Variants in STK40 observed in about 807,000 individuals in gnomAD.
The protein encoded by STK40 is serine/threonine kinase 40, also known as serine/threonine-protein kinase 40.
STK40 carries 13 observed loss-of-function variants against 47.9 expected under a neutral mutation model. That is an observed-to-expected ratio of 0.27 (90% confidence interval 0.18 to 0.43). STK40 has a LOEUF of 0.43. Among genes scored for constraint, STK40 ranks in the 20% least tolerant of loss-of-function variants. The probability of loss-of-function intolerance (pLI) is 1.00; values close to 1 mark genes in which losing one functional copy is unlikely to be tolerated. For missense variants in STK40, 460 were observed against 595.1 expected (o/e 0.77, Z 2.36); for synonymous variants, 225 against 243.2 (o/e 0.93, Z 0.69).
At position 36,341,738 on chromosome 1, in the gene STK40, G is replaced by A. The variant is rs1646649306; in HGVS notation, c.*17C>T. On this transcript the variant is annotated 3_prime_UTR_variant, in exon 11 of 11. Coordinates refer to ENST00000373132, the MANE Select transcript of STK40 (RefSeq NM_001282547.2). ...TGGAAGAAGTGGCAGCAGTGCTGGTGGCCCCGGCTGAGGCTGTTATTTCCG... is the reference window on the plus strand; with the variant it reads ...TGGAAGAAGTGGCAGCAGTGCTGGTAGCCCCGGCTGAGGCTGTTATTTCCG... 1 of 1,607,976 alleles carries A rather than the reference G, an allele frequency of 6.2e-7. No homozygotes were observed. Among genetic ancestry groups the A allele is most frequent in the Non-Finnish European group, 8.5e-7 (1 of 1,176,974 alleles).
chr1:36,345,986 T>TAG (rs1557505469), intron 7 of STK40, among the ~76,000 whole-genome samples: 1 of 29,054 alleles, frequency 3.4e-5, no homozygotes, highest in Non-Finnish European at 7.4e-5. Context: ...TATATATATA[T>TAG]ATATATTTTT....
chr1:36,354,178 A>G (rs374025152), intron 6 of STK40, among the ~76,000 whole-genome samples, 186 bp downstream of exon 6: 77 of 152,250 alleles, frequency 5.1e-4, no homozygotes, highest in African/African-American at 1.8e-3. Context: ...TGTGGCTCAA[A>G]ACTCCCAGTC....
intron 1 of STK40, among the ~76,000 whole-genome samples, chr1:36,377,762 T>C (rs1647004182): frequency 6.6e-6 from 1 of 152,154 alleles, no homozygotes; most frequent in Admixed American, 6.6e-5. Flanking sequence ...ATAAGGAACT[T>C]CCTGCCTGCC....
chr1:36,381,550 A>G (rs1049503133), intron 1 of STK40, among the ~76,000 whole-genome samples: 4 of 152,102 alleles, frequency 2.6e-5, no homozygotes, highest in Non-Finnish European at 4.4e-5. Context: ...GTGTGATTAC[A>G]GCTTACTGGG....
intron 2 of STK40, 126 bp downstream of exon 2, chr1:36,361,095 G>T: frequency 9.2e-7 from 1 of 1,090,766 alleles, no homozygotes; most frequent in Non-Finnish European, 1.3e-6. Context: ...CCTGGGGCAG[G>T]GCAGGACCAC....
At chr1:36,358,472 A>G in intron 3 of STK40, 90 bp from the exon 4 acceptor site, 1 of 1,499,284 alleles carries the variant, frequency 6.7e-7, no homozygotes. Context: ...GGGGCTTTTT[A>G]CCACATGACA....
chr1:36,358,648 T>A, intron 3 of STK40, 89 bp downstream of exon 3: 1 of 1,409,730 alleles, frequency 7.1e-7, no homozygotes, highest in Non-Finnish European at 9.9e-7. Context: ...TTGTTCACAA[T>A]GACGCAGGTG....
chr1:36,355,842 G>A lies in STK40; in HGVS notation c.343-409C>T, dbSNP rs186774221. Reference sequence around the variant, plus strand: ...ACCCCCTTTTGATATCTAAGATGGCGGAAGTTAGAAAGAGGTCAATCTTGG... The same window carrying A: ...ACCCCCTTTTGATATCTAAGATGGCAGAAGTTAGAAAGAGGTCAATCTTGG... On this transcript the variant is annotated intron_variant, in intron 4 of 10. Transcript: ENST00000373132. Among the ~76,000 whole-genome samples, 239 of 152,278 alleles carry A rather than the reference G, an allele frequency of 1.6e-3. 1 individual carries two copies. The highest frequency in any genetic ancestry group is 8.7e-3 in the Admixed American group (133 of 15,290).
At chr1:36,364,647 T>A (rs1032762120) in intron 1 of STK40, among the ~76,000 whole-genome samples, 4 of 151,966 alleles carry the variant, frequency 2.6e-5, no homozygotes, top group East Asian at 1.9e-4. Context: ...CTTTTTTTTT[T>A]AATTAAAAAA....
chr1:36,379,133 C>T (rs1367327167), intron 1 of STK40, among the ~76,000 whole-genome samples: 1 of 152,188 alleles, frequency 6.6e-6, no homozygotes, highest in South Asian at 2.1e-4. Context: ...TCCTTCTGGA[C>T]CCTTGCATCC....
rs528706784 is a variant in STK40, at chr1:36,348,491, C to T, written c.739+209G>A. On this transcript the variant is annotated intron_variant, in intron 7 of 10. Transcript: ENST00000373132. ...TCCCGTTCCTCCCTAGCACTAACCT[C>T]AGAGGAATTAAACATGCATTCATGT... Among the ~76,000 whole-genome samples the T allele has an allele frequency of 1.4e-4, 22 of 152,370 alleles. No individual in the cohort carries two copies. The East Asian group carries it at 4.1e-3, about 28-fold the overall frequency.
chr1:36,368,303 C>T (rs989303276), intron 1 of STK40, among the ~76,000 whole-genome samples: 1 of 152,086 alleles, frequency 6.6e-6, no homozygotes, highest in Non-Finnish European at 1.5e-5. Context: ...GAGACAGGGT[C>T]TTGCTCTGTC....
chr1:36,369,462 T>C (rs895623712), intron 1 of STK40, among the ~76,000 whole-genome samples: 1 of 152,124 alleles, frequency 6.6e-6, no homozygotes, highest in Non-Finnish European at 1.5e-5. Flanking sequence ...AGACCTAGAA[T>C]ACTTCTCCAG....
intron 10 of STK40, chr1:36,342,275 GC>G (rs1366899216): frequency 2.4e-6 from 1 of 409,258 alleles, no homozygotes; most frequent in Non-Finnish European, 4.6e-6. Context: ...TAGCTGTCTG[GC>G]CCCTCGCAAA....
At chr1:36,342,248 C>G (rs931273381) in intron 10 of STK40, 6 of 481,958 alleles carry the variant, frequency 1.2e-5, no homozygotes, top group Non-Finnish European at 2.3e-5. Context: ...TGAGAGGTCA[C>G]TTTACCTCAG....
At position 36,345,991 on chromosome 1, in the gene STK40, AT is replaced by A. The variant is rs143130232; in HGVS notation, c.740-1728del. On this transcript the variant is annotated intron_variant, in intron 7 of 10. Coordinates refer to ENST00000373132, the MANE Select transcript of STK40 (RefSeq NM_001282547.2). Reference sequence around the variant, plus strand: ...TACATATATATATATATATATATATATTTTTTTTTTTTTTTTTTCCTGAGAC... The same window carrying A: ...TACATATATATATATATATATATATATTTTTTTTTTTTTTTTTCCTGAGAC... Among the ~76,000 whole-genome samples, 57 of 26,456 alleles carry A rather than the reference AT, an allele frequency of 2.2e-3. 1 individual carries two copies. In the East Asian group the frequency reaches 0.023, roughly 11 times the overall value. The allele number at this position is 26,456 out of a possible 152,430, so 17.4% of individuals were successfully genotyped here.
intron 1 of STK40, among the ~76,000 whole-genome samples, chr1:36,364,516 ATTAT>A (rs1460382120): frequency 2.0e-5 from 3 of 152,134 alleles, no homozygotes; most frequent in African/African-American, 7.2e-5. Flanking sequence ...GGCTGTGTCT[ATTAT>A]TTCTTTTATG....
chr1:36,343,866 G>A lies in STK40; in HGVS notation c.998C>T (p.Ala333Val), dbSNP rs991435769. Residue 333 changes from alanine to valine, a missense_variant, in exon 9 of 11, where the codon GCA becomes GTA. Around this residue, in one of 3 missense-constraint regions of STK40, gnomAD observed 181 missense variants for 218.9 expected, o/e 0.83. Transcript: ENST00000373132. ...CAAGTGCCTGTCCACTTACCATGAT[G>A]CAATGATGGCACTGAGGGCCTCCAG... ...DVLEALSAII[A>V]SWQSLSSLSG... 3.8e-6 allele frequency: 6 copies of A among 1,592,856 alleles called. No homozygotes were observed. The Admixed American group carries it at 5.2e-5, about 14-fold the overall frequency.
chr1:36,354,506 G>C (rs1204540524), intron 5 of STK40, 90 bp from the exon 6 acceptor site: 4 of 1,338,982 alleles, frequency 3.0e-6, no homozygotes, highest in Admixed American at 3.4e-5. Context: ...CCAGGTGTTC[G>C]AGAAGGCAGG....
Sources: allele counts gnomAD v4.1 joint callset (sites outside exome capture counted in the v4.1 genomes callset), GRCh38; gene constraint gnomAD v4.1.1; regional missense constraint gnomAD v4.1.1; transcripts MANE v1.5; gene names NCBI Gene and HGNC (gene_info 2026-07-23, HGNC 2026-07-21).